Variants in SYT17 observed in about 807,000 individuals in gnomAD.
The protein encoded by SYT17 is synaptotagmin-17.
A neutral mutation model predicts 46.7 loss-of-function variants in SYT17; 22 were observed. That is an observed-to-expected ratio of 0.47 (90% confidence interval 0.34 to 0.67). The LOEUF (loss-of-function observed/expected upper bound fraction) is 0.67, where lower values mean the gene tolerates loss of function less well. Ranked by LOEUF, SYT17 falls within the 30% of genes least tolerant of loss-of-function variation. The pLI is 0.01. For synonymous variants in SYT17, 251 were observed against 248.4 expected (o/e 1.01, Z -0.10); for missense variants, 519 against 612.8 (o/e 0.85, Z 1.62).
chr16:19,242,668 G>A (rs1005589127), intron 7 of SYT17, among the ~76,000 whole-genome samples: 3 of 152,112 alleles, frequency 2.0e-5, no homozygotes, highest in Non-Finnish European at 2.9e-5. Context: ...TGGGACTATA[G>A]GTGTGTGCCA....
In SYT17 at chr16:19,168,658, C is replaced by A; in HGVS notation, c.12C>A (p.Ile4=). 1 of 1,531,116 alleles carries A rather than the reference C, an allele frequency of 6.5e-7. No homozygotes were observed. 94.8% of individuals were successfully genotyped at this position (1,531,116 alleles called of 1,614,324 possible). A position where few individuals can be genotyped will look rare whatever the true frequency, so the allele number is the denominator to read the frequency against. The change falls in exon 1 of 8, where the codon ATC becomes ATA. Residue 4 remains isoleucine, a synonymous_variant. Transcript: ENST00000355377. The surrounding 1 kb of genome is among the most constrained non-coding windows in gnomAD (Gnocchi z 6.9). ...GCGCGCGGGCGAAAATGGCGTACAT[C>A]CAGGTAGGGCTGAGGCTGGGGGCAA... MAY[I]QLEPLNEGFL...
intron 1 of SYT17, among the ~76,000 whole-genome samples, chr16:19,169,240 C>T (rs1963989703): frequency 1.3e-5 from 2 of 152,008 alleles, no homozygotes; most frequent in African/African-American, 4.8e-5. Context: ...GAGATGTGGA[C>T]CCTCTTCACC....
intron 5 of SYT17, among the ~76,000 whole-genome samples, chr16:19,215,539 A>G (rs1365577330): frequency 6.6e-6 from 1 of 152,178 alleles, no homozygotes; most frequent in African/African-American, 2.4e-5. Flanking sequence ...TGCCTCTTAC[A>G]TAGTTGGGAC....
intron 3 of SYT17, among the ~76,000 whole-genome samples, chr16:19,173,811 G>A (rs976646906): frequency 3.9e-5 from 6 of 152,124 alleles, no homozygotes; most frequent in Non-Finnish European, 7.4e-5. Context: ...TTCACCTAGT[G>A]GCACATCGGG....
intron 7 of SYT17, among the ~76,000 whole-genome samples, chr16:19,258,117 G>A (rs1423499514): frequency 6.6e-6 from 1 of 152,132 alleles, no homozygotes; most frequent in Admixed American, 6.5e-5. Context: ...ATCAACAGGT[G>A]AAAGCCTCAG....
chr16:19,262,684 AG>A (rs1969067939), intron 7 of SYT17, among the ~76,000 whole-genome samples: 1 of 152,218 alleles, frequency 6.6e-6, no homozygotes, highest in Non-Finnish European at 1.5e-5. Context: ...TGTCCAGCAT[AG>A]TTAGAGGACG....
At position 19,168,396 on chromosome 16, in the gene SYT17, C is replaced by T. The variant is rs1243905116; in HGVS notation, c.-251C>T. On this transcript the variant is annotated 5_prime_UTR_variant, in exon 1 of 8. Coordinates refer to ENST00000355377, the MANE Select transcript of SYT17 (RefSeq NM_016524.4). This position sits in a 1 kb window ranked among gnomAD's most constrained non-coding sequence, Gnocchi z 6.9. ...ACAGCGAGGGAGGCCGAGGCGGGGG[C>T]CCTGGGCGCCCGATATCTCCGAACC... 111 of 559,630 alleles carry T rather than the reference C, an allele frequency of 2.0e-4. 2 individuals are homozygous for T. In the Admixed American group the frequency reaches 3.8e-3, roughly 19 times the overall value. The allele number at this position is 559,630 out of a possible 1,614,324, so 34.7% of individuals were successfully genotyped here.
intron 4 of SYT17, among the ~76,000 whole-genome samples, chr16:19,181,812 T>C (rs776835876): frequency 7.9e-5 from 12 of 150,954 alleles, no homozygotes; most frequent in Non-Finnish European, 1.6e-4. Flanking sequence ...CCAGCCTGGC[T>C]AACATGGTGA....
intron 5 of SYT17, among the ~76,000 whole-genome samples, chr16:19,194,966 A>T (rs545661121): frequency 3.6e-4 from 55 of 152,334 alleles, no homozygotes; most frequent in Non-Finnish European, 5.6e-4. Flanking sequence ...TTCTGAATTG[A>T]ACAAATATTG....
intron 3 of SYT17, among the ~76,000 whole-genome samples, chr16:19,174,125 C>T (rs1175421456): frequency 6.6e-6 from 1 of 152,232 alleles, no homozygotes; most frequent in African/African-American, 2.4e-5. Flanking sequence ...AAAGCACCTC[C>T]AGGCTCCATC....
intron 7 of SYT17, among the ~76,000 whole-genome samples, chr16:19,246,275 A>G (rs1967555585): frequency 6.6e-6 from 1 of 152,140 alleles, no homozygotes; most frequent in Non-Finnish European, 1.5e-5. Flanking sequence ...TGCAGGTGTG[A>G]GCCGCCATAT....
Position 19,183,974 on chromosome 16 carries a change from T to A in SYT17, c.778T>A (p.Tyr260Asn). The A allele has an allele frequency of 6.2e-7, 1 of 1,614,198 alleles. No homozygotes were observed. Among genetic ancestry groups the A allele is most frequent in the African/African-American group, 1.3e-5 (1 of 75,068 alleles). The change falls in exon 5 of 8, where the codon TAC (tyrosine) becomes AAC (asparagine). Residue 260 changes from tyrosine to asparagine, a missense_variant. By Grantham distance (143) the Tyr-to-Asn change is moderately radical (BLOSUM62 -2). Coordinates refer to ENST00000355377, the MANE Select transcript of SYT17 (RefSeq NM_016524.4). The surrounding 1 kb of genome is among the most constrained non-coding windows in gnomAD (Gnocchi z 5.6). ...KTQKPVFEER[Y>N]TFEIPFLEAQ... is the part of the protein sequence containing the mutation. ...CCAGAAGCCCGTGTTTGAGGAGCGC[T>A]ACACCTTCGAGATCCCCTTCCTGGA...
intron 5 of SYT17, among the ~76,000 whole-genome samples, chr16:19,220,085 ACTT>A (rs1966252313): frequency 2.0e-5 from 3 of 152,048 alleles, no homozygotes; most frequent in Admixed American, 1.3e-4. Flanking sequence ...AAGGGGCTGA[ACTT>A]CTTTTATTAC....
At chr16:19,182,782 C>T (rs2059873) in intron 4 of SYT17, among the ~76,000 whole-genome samples, 34,621 of 152,196 alleles carry the variant, frequency 0.23, 4,217 homozygotes, top group South Asian at 0.31. Flanking sequence ...AGAGGCGGCC[C>T]GTAAGCGGTG....
At chr16:19,215,416 G>T (rs1299809670) in intron 5 of SYT17, among the ~76,000 whole-genome samples, 1 of 152,052 alleles carries the variant, frequency 6.6e-6, no homozygotes, top group Non-Finnish European at 1.5e-5. Context: ...AACCATCTTT[G>T]GCTGCTTTAT....
At chr16:19,184,562 AT>A (rs34467058) in intron 5 of SYT17, among the ~76,000 whole-genome samples, 76,114 of 144,954 alleles carry the variant, frequency 0.53, 19,828 homozygotes, top group African/African-American at 0.63. Context: ...ATTTTTTTGT[AT>A]TTTTTTTTTT....
At position 19,222,306 on chromosome 16, in the gene SYT17, T is replaced by TA. The variant is rs397787866; in HGVS notation, c.952-735dup. ...AAATTTTCTACAATACTTTTTTTTTTAAAAGGGGACAGAGAAGTGGGAGGC... is the reference window on the plus strand; with the variant it reads ...AAATTTTCTACAATACTTTTTTTTTTAAAAAGGGGACAGAGAAGTGGGAGGC... On this transcript the variant is annotated intron_variant, in intron 5 of 7. Coordinates refer to ENST00000355377, the MANE Select transcript of SYT17 (RefSeq NM_016524.4). Among the ~76,000 whole-genome samples, 7 of 151,942 alleles carry TA rather than the reference T, an allele frequency of 4.6e-5. No homozygotes were observed. In the East Asian group the frequency reaches 7.7e-4, roughly 17 times the overall value.
At chr16:19,194,311 C>G (rs766287447) in intron 5 of SYT17, among the ~76,000 whole-genome samples, 2 of 152,160 alleles carry the variant, frequency 1.3e-5, no homozygotes, top group Admixed American at 1.3e-4. Context: ...CTCCCCTCAC[C>G]CCTTTTACAT....
intron 3 of SYT17, among the ~76,000 whole-genome samples, chr16:19,179,333 T>C (rs1241824428): frequency 6.6e-6 from 1 of 152,158 alleles, no homozygotes; most frequent in Non-Finnish European, 1.5e-5. Flanking sequence ...TTCTGCCATG[T>C]TGCCCAGGCT....
Sources: allele counts gnomAD v4.1 joint callset (sites outside exome capture counted in the v4.1 genomes callset), GRCh38; gene constraint gnomAD v4.1.1; non-coding constraint Gnocchi (gnomAD v3.1); transcripts MANE v1.5; gene names NCBI Gene and HGNC (gene_info 2026-07-23, HGNC 2026-07-21).